Variants in GALNT17 observed in about 807,000 individuals in gnomAD.
GALNT17 encodes the protein polypeptide N-acetylgalactosaminyltransferase 17.
Under a neutral mutation model 63.7 loss-of-function variants are expected in GALNT17, and 29 were observed. The observed-to-expected ratio is 0.46, with a 90% CI of 0.34 to 0.62. The LOEUF (loss-of-function observed/expected upper bound fraction) is 0.62. Among genes scored for constraint, GALNT17 ranks in the 20% least tolerant of loss-of-function variants. The pLI is 0.01. For synonymous variants in GALNT17, 305 were observed against 318.3 expected, an observed-to-expected ratio of 0.96 and a Z score of 0.45; for missense variants, 603 against 799.6, an observed-to-expected ratio of 0.75 and a Z score of 2.97.
At chr7:71,145,790 T>C (rs1788011668) in intron 1 of GALNT17, among the ~76,000 whole-genome samples, 1 of 152,072 alleles carries the variant, frequency 6.6e-6, no homozygotes, top group Non-Finnish European at 1.5e-5. Context: ...ACTATAACCT[T>C]CACCTCCTGG....
chr7:71,251,634 A>C (rs1790199974), intron 1 of GALNT17, among the ~76,000 whole-genome samples: 2 of 151,876 alleles, frequency 1.3e-5, no homozygotes, highest in South Asian at 4.2e-4. Context: ...CTGGTCTCAA[A>C]CTCCTGGCCT....
chr7:71,240,466 C>T (rs1331138067), intron 1 of GALNT17, among the ~76,000 whole-genome samples: 5 of 151,998 alleles, frequency 3.3e-5, no homozygotes, highest in African/African-American at 1.2e-4. Flanking sequence ...CTGTTGTTCT[C>T]ACCTGTTAAG....
intron 2 of GALNT17, among the ~76,000 whole-genome samples, chr7:71,372,555 G>A (rs1792644439): frequency 6.6e-6 from 1 of 152,110 alleles, no homozygotes; most frequent in South Asian, 2.1e-4. Context: ...GGGCTCAAGT[G>A]GTCCTCCCGC....
At chr7:71,547,756 A>T (rs1462902569) in intron 5 of GALNT17, among the ~76,000 whole-genome samples, 2 of 152,148 alleles carry the variant, frequency 1.3e-5, no homozygotes, top group Admixed American at 1.3e-4. Context: ...TTTATTACCC[A>T]TTGTCTAGTC....
chr7:71,550,990 T>G (rs543356987), intron 5 of GALNT17, among the ~76,000 whole-genome samples: 1 of 152,294 alleles, frequency 6.6e-6, no homozygotes, highest in East Asian at 1.9e-4. Flanking sequence ...TTTGAATATA[T>G]GTGTTCATTT....
At chr7:71,347,182 C>A (rs1792111335) in intron 2 of GALNT17, among the ~76,000 whole-genome samples, 1 of 152,058 alleles carries the variant, frequency 6.6e-6, no homozygotes, top group Non-Finnish European at 1.5e-5. Flanking sequence ...TTCCCTAGGT[C>A]TGAAGAAGAT....
chr7:71,557,468 C>A (rs1423473140), intron 5 of GALNT17, among the ~76,000 whole-genome samples: 1 of 152,150 alleles, frequency 6.6e-6, no homozygotes, highest in Non-Finnish European at 1.5e-5. Context: ...TCAAGACTTT[C>A]TCTTCACATG....
chr7:71,505,247 G>C (rs1584010418), intron 5 of GALNT17, among the ~76,000 whole-genome samples: 1 of 152,086 alleles, frequency 6.6e-6, no homozygotes, highest in Non-Finnish European at 1.5e-5. Flanking sequence ...TAGTCCCACT[G>C]TTGGCATCTC....
At chr7:71,319,679 T>C (rs751318188) in intron 1 of GALNT17, among the ~76,000 whole-genome samples, 2 of 152,206 alleles carry the variant, frequency 1.3e-5, no homozygotes, top group Non-Finnish European at 1.5e-5. Context: ...CATCCCTTCA[T>C]AACCCAAGTC....
chr7:71,368,033 G>T (rs1258486841), intron 2 of GALNT17, among the ~76,000 whole-genome samples: 1 of 152,168 alleles, frequency 6.6e-6, no homozygotes, highest in Non-Finnish European at 1.5e-5. Flanking sequence ...CCCATTGCTT[G>T]GGGCCAAAAG....
At chr7:71,175,739 A>C (rs1788625907) in intron 1 of GALNT17, among the ~76,000 whole-genome samples, 3 of 152,120 alleles carry the variant, frequency 2.0e-5, no homozygotes, top group Non-Finnish European at 4.4e-5. Context: ...TTAATAACTT[A>C]AAATAATGAC....
intron 5 of GALNT17, among the ~76,000 whole-genome samples, chr7:71,561,470 C>T (rs1789255224): frequency 2.6e-5 from 4 of 152,042 alleles, no homozygotes; most frequent in Admixed American, 2.6e-4. Flanking sequence ...CACGTGGGAC[C>T]TTGGAATGAG....
chr7:71,477,710 T>A (rs1563122107), intron 5 of GALNT17, among the ~76,000 whole-genome samples: 1 of 151,912 alleles, frequency 6.6e-6, no homozygotes, highest in Non-Finnish European at 1.5e-5. Flanking sequence ...AAAAAAAGGT[T>A]GAAAATAACT....
intron 6 of GALNT17, among the ~76,000 whole-genome samples, chr7:71,637,475 C>T (rs1790544006): frequency 6.7e-6 from 1 of 149,924 alleles, no homozygotes; most frequent in Non-Finnish European, 1.5e-5. Context: ...AGGCGTGAGC[C>T]ACCGCACCTG....
chr7:71,355,448 G>A (rs1792265772), intron 2 of GALNT17, among the ~76,000 whole-genome samples: 1 of 152,052 alleles, frequency 6.6e-6, no homozygotes, highest in African/African-American at 2.4e-5. Flanking sequence ...CTCAAGACAG[G>A]TTTAGTAGGT....
chr7:71,484,761 G>A (rs747126867), intron 5 of GALNT17, among the ~76,000 whole-genome samples: 42 of 147,694 alleles, frequency 2.8e-4, no homozygotes, highest in Non-Finnish European at 5.3e-4. Context: ...TTCTCAGGTT[G>A]AACCCAGACT....
chr7:71,541,863 C>T (rs926016555), intron 5 of GALNT17, among the ~76,000 whole-genome samples: 11 of 152,178 alleles, frequency 7.2e-5, no homozygotes, highest in African/African-American at 2.4e-4. Flanking sequence ...ACTTGCACAT[C>T]GTGTCTTTCT....
intron 5 of GALNT17, among the ~76,000 whole-genome samples, chr7:71,432,729 AG>A (rs1457113030): frequency 9.2e-5 from 14 of 152,236 alleles, no homozygotes; most frequent in Admixed American, 4.6e-4. Context: ...GCACTTTGGG[AG>A]GCCAAGGCAG....
chr7:71,332,638 G>A (rs1016343392), intron 1 of GALNT17, among the ~76,000 whole-genome samples: 60 of 152,102 alleles, frequency 3.9e-4, no homozygotes, highest in African/African-American at 1.4e-3. Flanking sequence ...TCTATCATAA[G>A]TGTTCTTTTC....
Sources: gnomAD v4.1 joint callset for allele counts (sites outside exome capture counted in the v4.1 genomes callset) on GRCh38, gnomAD v4.1.1 for gene constraint, MANE v1.5 for transcripts, NCBI Gene and HGNC (gene_info 2026-07-23, HGNC 2026-07-21) for gene names.